Variants in TENM4 observed in about 807,000 individuals in gnomAD.
TENM4 encodes teneurin transmembrane protein 4.
A neutral mutation model predicts 243.3 loss-of-function variants in TENM4; 82 were observed. The observed-to-expected ratio is 0.34, with a 90% confidence interval of 0.28 to 0.40. The LOEUF is 0.40. Among genes scored for constraint, TENM4 ranks in the 10% least tolerant of loss-of-function variants. The pLI is 1.00. For missense variants in TENM4, 3,138 were observed against 3,673.3 expected (o/e 0.85, Z 3.77); for synonymous variants, 1,412 against 1,456.3 (o/e 0.97, Z 0.69).
At chr11:79,412,202 A>G (rs1402421009) in intron 1 of TENM4, among the ~76,000 whole-genome samples, 1 of 152,206 alleles carries the variant, frequency 6.6e-6, no homozygotes. Context: ...GCCCAAGAGC[A>G]TTCTCAAGAA....
At chr11:79,000,165 T>C (rs1285630265) in intron 6 of TENM4, among the ~76,000 whole-genome samples, 2 of 152,108 alleles carry the variant, frequency 1.3e-5, no homozygotes, top group African/African-American at 4.8e-5. Flanking sequence ...CCTTAAAAAG[T>C]GAAGGTAAAA....
chr11:78,964,729 T>C (rs1463227638), intron 6 of TENM4, among the ~76,000 whole-genome samples: 2 of 152,218 alleles, frequency 1.3e-5, no homozygotes, highest in Non-Finnish European at 2.9e-5. Context: ...ATCTGTCTCC[T>C]ACATGAAAGT....
chr11:79,314,882 G>T (rs1416570102), intron 1 of TENM4, among the ~76,000 whole-genome samples: 2 of 152,224 alleles, frequency 1.3e-5, no homozygotes, highest in Non-Finnish European at 2.9e-5. Context: ...ACTGGTCTGT[G>T]TGAGGCCTGG....
intron 2 of TENM4, among the ~76,000 whole-genome samples, chr11:79,223,601 T>G (rs1030025415): frequency 3.3e-5 from 5 of 152,134 alleles, no homozygotes; most frequent in Non-Finnish European, 7.4e-5. Context: ...TAGCAAGCAG[T>G]TCTTTTCACT....
intron 18 of TENM4, among the ~76,000 whole-genome samples, chr11:78,757,732 C>T (rs755504801): frequency 1.3e-5 from 2 of 152,230 alleles, no homozygotes; most frequent in Non-Finnish European, 1.5e-5. Flanking sequence ...CAATTCTCAG[C>T]GTCTCTCCCA....
chr11:79,102,339 T>C (rs1861253881), intron 4 of TENM4, among the ~76,000 whole-genome samples: 1 of 152,172 alleles, frequency 6.6e-6, no homozygotes, highest in Non-Finnish European at 1.5e-5. Flanking sequence ...CATCATGAAA[T>C]TTGGGGGATC....
chr11:79,326,074 C>T (rs566374261), intron 1 of TENM4, among the ~76,000 whole-genome samples: 3 of 152,338 alleles, frequency 2.0e-5, no homozygotes, highest in African/African-American at 7.2e-5. Context: ...TGCGCCTTAT[C>T]CCAGGAACAT....
intron 6 of TENM4, among the ~76,000 whole-genome samples, chr11:79,049,682 A>G (rs1859748877): frequency 6.6e-6 from 1 of 152,374 alleles, no homozygotes; most frequent in Non-Finnish European, 1.5e-5. Context: ...TAATGAGTGT[A>G]TGTTAAACAC....
At chr11:79,139,815 T>TATATAAATATACAATATATATTA in intron 4 of TENM4, among the ~76,000 whole-genome samples, 1 of 78,682 alleles carries the variant, frequency 1.3e-5, no homozygotes, top group African/African-American at 7.7e-5. Context: ...AATATATATT[T>TATATAAATATACAATATATATTA]TATATTTATA....
At chr11:79,116,602 TG>T (rs1861627608) in intron 4 of TENM4, among the ~76,000 whole-genome samples, 1 of 152,258 alleles carries the variant, frequency 6.6e-6, no homozygotes, top group South Asian at 2.1e-4. Flanking sequence ...CAGGGTTTTA[TG>T]TTGAACACAC....
At chr11:78,841,619 C>T (rs1327821127) in intron 12 of TENM4, among the ~76,000 whole-genome samples, 1 of 152,098 alleles carries the variant, frequency 6.6e-6, no homozygotes, top group Non-Finnish European at 1.5e-5. Context: ...CCACCTTCTT[C>T]CATTAGTCAT....
chr11:78,882,816 G>GC (rs1204517007), intron 9 of TENM4, among the ~76,000 whole-genome samples: 1 of 152,136 alleles, frequency 6.6e-6, no homozygotes, highest in Non-Finnish European at 1.5e-5. Context: ...ATTAAGCTTA[G>GC]CAACATTCTC....
In TENM4 at chr11:79,331,500, G is replaced by A. The variant is rs61884521; in HGVS notation, c.-320-33957C>T. ...GGTGCATTAAGAGGACAGCTGGGGC[G>A]CCAACCACAGTGACCATGCCTTTCC... On this transcript the variant is annotated intron_variant, in intron 1 of 33. Transcript: ENST00000278550. 6.7e-3 allele frequency among the ~76,000 whole-genome samples: 1,017 copies of A among 152,292 alleles called. 4 individuals are homozygous for A. The highest frequency in any genetic ancestry group is 0.011 in the Non-Finnish European group (757 of 68,016).
chr11:78,903,473 G>A lies in TENM4; in HGVS notation c.544C>T (p.Pro182Ser). The part of the protein sequence containing the change: ...NHARLRTPPP[P>S]LSHAHTPNQH... ...TTGGGGGTGTGGGCGTGCGAGAGCG[G>A]CGGCGGCGGCGTCCGGAGCCGCGCG... Residue 182 changes from proline (P) to serine (S), a missense_variant, in exon 7 of 34, where the codon CCG becomes TCG. Physicochemically the swap from Pro to Ser is moderately conservative, Grantham distance 74 (BLOSUM62 -1). Around this residue, in one of 2 missense-constraint regions of TENM4, gnomAD observed 671 missense variants for 614.1 expected, o/e 1.09. Transcript: ENST00000278550. 6.5e-7 allele frequency: 1 copy of A among 1,548,112 alleles called. No individual in the cohort carries two copies. Among genetic ancestry groups the A allele is most frequent in the Non-Finnish European group, 8.7e-7 (1 of 1,145,940 alleles).
chr11:79,064,961 G>T lies in TENM4; in HGVS notation c.270C>A (p.Pro90=), dbSNP rs903001586. ...CTGTCCGGTACAGGGTCCCGTGAGG[G>T]GGCGTTACTTCTTCCAGCCCCAGCT... ...LRELGLEEVT[P]PHGTLYRTDI... is the part of the protein sequence containing the mutation. The change falls in exon 6 of 34, where the codon CCC becomes CCA. Residue 90 remains proline (P), a synonymous_variant. Transcript: ENST00000278550. 3.4e-6 allele frequency: 5 copies of T among 1,476,482 alleles called. No individual in the cohort carries two copies. The highest frequency in any genetic ancestry group is 4.5e-6 in the Non-Finnish European group (5 of 1,109,068). The allele number at this position is 1,476,482 out of a possible 1,614,324, so 91.5% of individuals were successfully genotyped here. A position where few individuals can be genotyped will look rare whatever the true frequency, so the allele number is the denominator to read the frequency against.
intron 3 of TENM4, among the ~76,000 whole-genome samples, chr11:79,165,819 G>A (rs1862899000): frequency 6.6e-6 from 1 of 152,140 alleles, no homozygotes; most frequent in Admixed American, 6.5e-5. Context: ...TTTTGTATAA[G>A]GTGAGAGATG....
At chr11:79,197,393 C>A (rs1263919302) in intron 3 of TENM4, among the ~76,000 whole-genome samples, 3 of 151,246 alleles carry the variant, frequency 2.0e-5, no homozygotes, top group Non-Finnish European at 4.4e-5. Context: ...CTCAGTGGAA[C>A]CAGAACCAAA....
chr11:78,697,417 G>C (rs1858995094), intron 28 of TENM4, among the ~76,000 whole-genome samples: 1 of 152,138 alleles, frequency 6.6e-6, no homozygotes, highest in African/African-American at 2.4e-5. Flanking sequence ...TTATTTTCAT[G>C]ATAAGGTTGG....
intron 4 of TENM4, among the ~76,000 whole-genome samples, chr11:79,147,873 C>A (rs1263976330): frequency 6.6e-6 from 1 of 152,090 alleles, no homozygotes; most frequent in Non-Finnish European, 1.5e-5. Flanking sequence ...CATGGATTCC[C>A]AAGACCTGGC....
Sources: gnomAD v4.1 joint callset for allele counts (sites outside exome capture counted in the v4.1 genomes callset) on GRCh38, gnomAD v4.1.1 for gene constraint, gnomAD v4.1.1 regional missense constraint, MANE v1.5 for transcripts, NCBI Gene and HGNC (gene_info 2026-07-23, HGNC 2026-07-21) for gene names.